DLEU7: variants seen among roughly 807,000 people sequenced by gnomAD.
DLEU7 encodes leukemia-associated protein 7.
DLEU7 carries 17 observed loss-of-function variants against 16.0 expected under a neutral mutation model. The observed-to-expected ratio is 1.06, with a 90% confidence interval of 0.73 to 1.59. The LOEUF (loss-of-function observed/expected upper bound fraction) is 1.59, where lower values mean the gene tolerates loss of function less well. DLEU7 is among the 40% of genes most tolerant of loss of function. The pLI is 0.00. For missense variants in DLEU7, 308 were observed against 314.9 expected, an observed-to-expected ratio of 0.98 and a Z score of 0.17; for synonymous variants, 113 against 139.8, an observed-to-expected ratio of 0.81 and a Z score of 1.35.
intron 1 of DLEU7, among the ~76,000 whole-genome samples, chr13:50,784,260 A>G (rs1875739285): frequency 6.6e-6 from 1 of 152,214 alleles, no homozygotes; most frequent in South Asian, 2.1e-4. Flanking sequence ...CTAGCTGCTT[A>G]CTTCAGAACA....
chr13:50,831,357 G>T (rs965467444), intron 1 of DLEU7, among the ~76,000 whole-genome samples: 4 of 152,106 alleles, frequency 2.6e-5, no homozygotes, highest in African/African-American at 9.7e-5. Context: ...TCAGAGAAGT[G>T]GTAGGTGGGA....
chr13:50,736,798 G>T (rs770929270), intron 1 of DLEU7, among the ~76,000 whole-genome samples: 3 of 151,552 alleles, frequency 2.0e-5, no homozygotes, highest in Non-Finnish European at 4.4e-5. Flanking sequence ...GAGGGAGAGA[G>T]AACACAAAGT....
At chr13:50,711,882 A>T (rs1307930469), downstream of DLEU7, 7 of 138,854 alleles carry the variant, frequency 5.0e-5, no homozygotes, top group East Asian at 1.0e-3. Flanking sequence ...GTCACACAGG[A>T]TTTTTTTTTT....
At chr13:50,811,060 C>T (rs1300193802) in intron 1 of DLEU7, among the ~76,000 whole-genome samples, 1 of 152,096 alleles carries the variant, frequency 6.6e-6, no homozygotes. Context: ...ATGTGTGTGC[C>T]TGCATCTGTT....
intron 1 of DLEU7, among the ~76,000 whole-genome samples, chr13:50,745,268 T>C (rs1486820173): frequency 6.6e-6 from 1 of 152,202 alleles, no homozygotes; most frequent in Admixed American, 6.5e-5. Context: ...GCACCATGGA[T>C]GAACATTGAG....
chr13:50,797,184 C>G (rs888431633), intron 1 of DLEU7, among the ~76,000 whole-genome samples: 2 of 152,014 alleles, frequency 1.3e-5, no homozygotes, highest in Non-Finnish European at 2.9e-5. Context: ...GGTCTAGAAC[C>G]TGGATTCAAC....
At chr13:50,775,120 G>T (rs980957266) in intron 1 of DLEU7, among the ~76,000 whole-genome samples, 1 of 151,534 alleles carries the variant, frequency 6.6e-6, no homozygotes, top group African/African-American at 2.4e-5. Context: ...GTTATTCTCT[G>T]GGGTATGTGT....
rs1055592691 is a variant in DLEU7 at position 50,726,788 on chromosome 13, C to T, written c.460-13548G>A. Reference sequence around the variant, plus strand: ...GACCTTGACCATGCCCCCTACCTTCCTGGGCCTCAGGAAATGAAGATGGAA... The same window carrying T: ...GACCTTGACCATGCCCCCTACCTTCTTGGGCCTCAGGAAATGAAGATGGAA... On this transcript the variant is annotated intron_variant, in intron 1 of 1. Transcript: ENST00000400393. The surrounding 1 kb of genome is among the most constrained non-coding windows in gnomAD (Gnocchi z 4.0). Among the ~76,000 whole-genome samples, 1 of 152,096 alleles carries T rather than the reference C, an allele frequency of 6.6e-6. No individual in the cohort carries two copies. The highest frequency in any genetic ancestry group is 2.4e-5 in the African/African-American group (1 of 41,410).
chr13:50,786,070 G>T (rs1475648007), intron 1 of DLEU7, among the ~76,000 whole-genome samples: 1 of 152,124 alleles, frequency 6.6e-6, no homozygotes, highest in Non-Finnish European at 1.5e-5. Context: ...GCAGAGATTT[G>T]GCAGAAGGAG....
At chr13:50,841,098 C>G (rs28475182) in intron 1 of DLEU7, among the ~76,000 whole-genome samples, 28,212 of 152,088 alleles carry the variant, frequency 0.19, 2,858 homozygotes, top group East Asian at 0.3. Flanking sequence ...GGGTCAAGCC[C>G]TTAGACAGCT....
chr13:50,785,441 T>C (rs562951941), intron 1 of DLEU7, among the ~76,000 whole-genome samples: 1 of 152,318 alleles, frequency 6.6e-6, no homozygotes, highest in Non-Finnish European at 1.5e-5. Flanking sequence ...AAGCCAAATA[T>C]GGTAGTTGAT....
At chr13:50,836,254 C>G (rs1235108041) in intron 1 of DLEU7, among the ~76,000 whole-genome samples, 1 of 152,102 alleles carries the variant, frequency 6.6e-6, no homozygotes, top group African/African-American at 2.4e-5. Flanking sequence ...CTCCCTGAAG[C>G]CTTCATGTCC....
At position 50,823,136 on chromosome 13, in the gene DLEU7, T is replaced by A. The variant is rs929258412; in HGVS notation, c.*178A>T. ...GAACTACTGCTTTAAAAAAATTTCA[T>A]TAACATGCTATAATCCCGAAGGCTA... is the stretch of plus-strand genomic sequence containing the variant. On this transcript the variant is annotated 3_prime_UTR_variant, in exon 2 of 2. Coordinates refer to ENST00000504404, the MANE Select transcript of DLEU7 (RefSeq NM_001306135.2). 1.4e-5 allele frequency: 19 copies of A among 1,395,558 alleles called. No homozygotes were observed. The highest frequency in any genetic ancestry group is 5.2e-5 in the South Asian group (3 of 57,932). 86.4% of individuals were successfully genotyped at this position (1,395,558 alleles called of 1,614,324 possible).
At chr13:50,751,745 G>A (rs1032958201) in intron 1 of DLEU7, among the ~76,000 whole-genome samples, 3 of 152,248 alleles carry the variant, frequency 2.0e-5, no homozygotes, top group Admixed American at 6.5e-5. Context: ...AGCCTTGAAT[G>A]ATTTTTTGTA....
At chr13:50,842,669 C>A (rs867306551) in intron 1 of DLEU7, among the ~76,000 whole-genome samples, 20 of 152,294 alleles carry the variant, frequency 1.3e-4, no homozygotes, top group South Asian at 4.1e-4. Context: ...CTCTGTAAGA[C>A]CCCTTAGCTC....
intron 1 of DLEU7, among the ~76,000 whole-genome samples, chr13:50,716,254 A>G (rs1873435321): frequency 6.6e-6 from 1 of 152,200 alleles, no homozygotes; most frequent in Admixed American, 6.5e-5. Flanking sequence ...ACCAAGGGCT[A>G]TCTCAAGAGA....
intron 1 of DLEU7, among the ~76,000 whole-genome samples, chr13:50,767,531 G>A (rs1320086708): frequency 6.6e-6 from 1 of 151,018 alleles, no homozygotes; most frequent in Non-Finnish European, 1.5e-5. Flanking sequence ...GGCTTACCAT[G>A]CTCAAGACTT....
chr13:50,832,284 T>A (rs759096317), intron 1 of DLEU7, among the ~76,000 whole-genome samples: 1 of 152,208 alleles, frequency 6.6e-6, no homozygotes, highest in Admixed American at 6.5e-5. Context: ...GAGGTGTTTA[T>A]AGTATTCTCT....
At chr13:50,777,771 A>T (rs1027370665) in intron 1 of DLEU7, among the ~76,000 whole-genome samples, 1 of 152,204 alleles carries the variant, frequency 6.6e-6, no homozygotes, top group African/African-American at 2.4e-5. Flanking sequence ...AAGCGTTGAG[A>T]TGTCACAAAG....
Sources: allele counts gnomAD v4.1 joint callset (sites outside exome capture counted in the v4.1 genomes callset), GRCh38; gene constraint gnomAD v4.1.1; non-coding constraint Gnocchi (gnomAD v3.1); transcripts MANE v1.5; gene names NCBI Gene and HGNC (gene_info 2026-07-23, HGNC 2026-07-21).